AOPEP: variants seen among roughly 807,000 people sequenced by gnomAD.
AOPEP encodes the protein aminopeptidase O.
Under a neutral mutation model 98.1 loss-of-function variants are expected in AOPEP, and 77 were observed. The ratio of observed to expected loss-of-function variants is 0.78; its 90% CI spans 0.65 to 0.95. The LOEUF (loss-of-function observed/expected upper bound fraction) is 0.95. Ranked by LOEUF, AOPEP falls within the 40% of genes least tolerant of loss-of-function variation. AOPEP has a pLI of 0.00. For missense variants in AOPEP, 1,024 were observed against 1,024.7 expected (o/e 1.00, Z 0.01); for synonymous variants, 346 against 365.3 (o/e 0.95, Z 0.60).
At position 94,773,095 on chromosome 9, in the gene AOPEP, A is replaced by G. The variant is rs1463402517; in HGVS notation, c.891A>G (p.Thr297=). The G allele has an allele frequency of 4.3e-6, 7 of 1,614,032 alleles. No individual in the cohort carries two copies. Among genetic ancestry groups the G allele is most frequent in the Non-Finnish European group, 5.1e-6 (6 of 1,180,028 alleles). ...TTGCCATGTCAACATGGCAGGCTAC[A>G]GTTCGAGCAGCTGCATCTTTTGTTG... ...PPVAMSTWQA[T]VRAAASFVVL... The change falls in exon 3 of 17, where the codon ACA becomes ACG. Residue 297 remains threonine (T), a synonymous_variant. Coordinates refer to ENST00000375315, the MANE Select transcript of AOPEP (RefSeq NM_001193329.3).
At chr9:94,758,922 CTT>C (rs3840741) in intron 1 of AOPEP, among the ~76,000 whole-genome samples, 1 of 148,054 alleles carries the variant, frequency 6.8e-6, no homozygotes, top group South Asian at 2.1e-4. Flanking sequence ...ATTTGCCTGC[CTT>C]TTTTTTTTCA....
intron 14 of AOPEP, among the ~76,000 whole-genome samples, chr9:95,061,156 G>T (rs969231758): frequency 1.3e-5 from 2 of 152,206 alleles, no homozygotes; most frequent in Non-Finnish European, 2.9e-5. Context: ...GCTCAGATGT[G>T]TCAGAGCTTC....
chr9:94,884,990 C>T (rs2048036539), intron 5 of AOPEP, among the ~76,000 whole-genome samples: 1 of 129,402 alleles, frequency 7.7e-6, no homozygotes, highest in South Asian at 2.6e-4. Context: ...GCCTGGGCGA[C>T]AGAGCGAGAC....
At chr9:95,076,266 C>CA (rs1223213236) in intron 14 of AOPEP, among the ~76,000 whole-genome samples, 1 of 152,186 alleles carries the variant, frequency 6.6e-6, no homozygotes, top group Non-Finnish European at 1.5e-5. Context: ...CATTGCTACA[C>CA]CCTCATGGAA....
chr9:94,794,270 A>G (rs551977152), intron 4 of AOPEP, among the ~76,000 whole-genome samples: 42 of 152,358 alleles, frequency 2.8e-4, no homozygotes, highest in African/African-American at 9.9e-4. Context: ...CAGCACATGC[A>G]TCATGCTGCA....
In AOPEP at chr9:95,001,005, G is replaced by C. The variant is rs114521611; in HGVS notation, c.1978-4153G>C. On this transcript the variant is annotated intron_variant, in intron 11 of 16. Coordinates refer to ENST00000375315, the MANE Select transcript of AOPEP (RefSeq NM_001193329.3). ...TGTAATTTGCCATCTGTGGCTGTTTGGGAACATTGAAGAGCCCCTTGCTTG... is the reference window on the plus strand; with the variant it reads ...TGTAATTTGCCATCTGTGGCTGTTTCGGAACATTGAAGAGCCCCTTGCTTG... Among the ~76,000 whole-genome samples the C allele has an allele frequency of 6.9e-3, 1,045 of 152,230 alleles. 14 individuals carry two copies. Among genetic ancestry groups the C allele is most frequent in the African/African-American group, 0.024 (1,009 of 41,540 alleles).
the AOPEP span, chr9:95,101,386 T>TA: frequency 2.3e-6 from 1 of 428,082 alleles, no homozygotes; most frequent in South Asian, 3.0e-5. Flanking sequence ...TTGACTTGGG[T>TA]AAAAACTAGA....
chr9:95,051,867 C>T (rs144961212), intron 13 of AOPEP, among the ~76,000 whole-genome samples: 1 of 152,106 alleles, frequency 6.6e-6, no homozygotes, highest in Non-Finnish European at 1.5e-5. Flanking sequence ...CCACACCCGG[C>T]TCATTTTTTG....
the AOPEP span, among the ~76,000 whole-genome samples, chr9:95,119,303 A>G: frequency 5.3e-5 from 8 of 151,714 alleles, no homozygotes; most frequent in African/African-American, 1.7e-4. Flanking sequence ...TTGTATACAT[A>G]TATTACAAAT....
intron 7 of AOPEP, among the ~76,000 whole-genome samples, chr9:94,940,372 G>T (rs546515355): frequency 2.6e-5 from 4 of 152,152 alleles, no homozygotes; most frequent in Non-Finnish European, 5.9e-5. Flanking sequence ...TTGAGAGGCC[G>T]AGGCGGGCAG....
At chr9:95,089,316 A>G (rs188232862), downstream of AOPEP, among the ~76,000 whole-genome samples, 34 of 152,308 alleles carry the variant, frequency 2.2e-4, no homozygotes, top group African/African-American at 2.9e-4. Flanking sequence ...GCGTGTGACA[A>G]CTGAGGCTAG....
intron 13 of AOPEP, among the ~76,000 whole-genome samples, chr9:95,042,039 G>A (rs1194485391): frequency 1.3e-5 from 2 of 152,178 alleles, no homozygotes; most frequent in Non-Finnish European, 2.9e-5. Flanking sequence ...TTGGCCAGGC[G>A]CGGTGGCTCA....
At chr9:95,064,887 G>T (rs2067721378) in intron 14 of AOPEP, among the ~76,000 whole-genome samples, 1 of 152,206 alleles carries the variant, frequency 6.6e-6, no homozygotes. Context: ...AAGGTTTGAT[G>T]GTTGTTACAT....
intron 3 of AOPEP, among the ~76,000 whole-genome samples, chr9:94,791,202 G>A (rs751099306): frequency 1.1e-4 from 17 of 152,074 alleles, no homozygotes; most frequent in African/African-American, 3.4e-4. Flanking sequence ...ACATGGATGG[G>A]GCTGGAGGTC....
chr9:94,881,373 T>C (rs979964024), intron 5 of AOPEP, among the ~76,000 whole-genome samples: 4 of 152,146 alleles, frequency 2.6e-5, no homozygotes, highest in African/African-American at 9.7e-5. Flanking sequence ...TCCAGTGTCC[T>C]GCTTATTTGC....
At chr9:94,815,771 G>T (rs893046815) in intron 5 of AOPEP, among the ~76,000 whole-genome samples, 3 of 152,136 alleles carry the variant, frequency 2.0e-5, no homozygotes, top group African/African-American at 7.2e-5. Context: ...CCCTGAGGTT[G>T]CAGGGTGCTG....
intron 5 of AOPEP, among the ~76,000 whole-genome samples, chr9:94,805,740 A>G (rs1391378170): frequency 1.3e-5 from 2 of 152,112 alleles, no homozygotes; most frequent in Non-Finnish European, 2.9e-5. Flanking sequence ...TTGCAAATAA[A>G]CGGTATGCAC....
chr9:94,782,730 C>A (rs1843565061), intron 3 of AOPEP, among the ~76,000 whole-genome samples: 1 of 152,196 alleles, frequency 6.6e-6, no homozygotes, highest in African/African-American at 2.4e-5. Flanking sequence ...TATTCCACGC[C>A]AGTACACATA....
chr9:95,027,586 CAT>C lies in AOPEP; in HGVS notation c.2115+21971_2115+21972del, dbSNP rs534731581. ...ATTGTTTTAATATAGAAAAGACACACATGTGTCTGTAGAGCCATGTTTTGGGG... is the reference window on the plus strand; with the variant it reads ...ATTGTTTTAATATAGAAAAGACACACGTGTCTGTAGAGCCATGTTTTGGGG... On this transcript the variant is annotated intron_variant, in intron 13 of 16. Coordinates refer to ENST00000375315, the MANE Select transcript of AOPEP (RefSeq NM_001193329.3). 6.4e-3 allele frequency among the ~76,000 whole-genome samples: 978 copies of C among 152,242 alleles called. 5 individuals are homozygous for C. Among genetic ancestry groups the C allele is most frequent in the Non-Finnish European group, 0.011 (731 of 68,018 alleles).
Sources: gnomAD v4.1 joint callset for allele counts (sites outside exome capture counted in the v4.1 genomes callset) on GRCh38, gnomAD v4.1.1 for gene constraint, MANE v1.5 for transcripts, NCBI Gene and HGNC (gene_info 2026-07-23, HGNC 2026-07-21) for gene names.